PCDHGB4: variants seen among roughly 807,000 people sequenced by gnomAD.
The protein encoded by PCDHGB4 is protocadherin gamma subfamily B, 4.
In PCDHGB4, 38 loss-of-function variants were observed where a neutral mutation model predicts 60.5. The ratio of observed to expected loss-of-function variants is 0.63; its 90% confidence interval spans 0.48 to 0.82. The LOEUF is 0.82. PCDHGB4 is among the 40% of genes least tolerant of loss of function. PCDHGB4 has a pLI of 0.00. For missense variants in PCDHGB4, 1,109 were observed against 1,209.6 expected (o/e 0.92, Z 1.23); for synonymous variants, 456 against 509.7 (o/e 0.89, Z 1.42).
intron 1 of PCDHGB4, chr5:141,403,605 G>A (rs2094432434): frequency 6.2e-7 from 1 of 1,613,690 alleles, no homozygotes; most frequent in Admixed American, 1.7e-5. Context: ...TCGGATGGCG[G>A]CGAGCCGCGT....
chr5:141,419,214 T>C lies in PCDHGB4; in HGVS notation c.2397+28933T>C. On this transcript the variant is annotated intron_variant, in intron 1 of 3. Coordinates refer to ENST00000519479, the MANE Select transcript of PCDHGB4 (RefSeq NM_003736.4). ...GACGTCAATGACAACGCGCCGGTTT[T>C]CGGACAGTCAGCCTACCTGGTCCAC... 1.9e-6 allele frequency: 3 copies of C among 1,613,986 alleles called. No individual in the cohort carries two copies. In the South Asian group the frequency reaches 3.3e-5, roughly 18 times the overall value.
At chr5:141,444,599 A>G (rs373366708) in intron 1 of PCDHGB4, among the ~76,000 whole-genome samples, 2 of 152,108 alleles carry the variant, frequency 1.3e-5, no homozygotes, top group African/African-American at 2.4e-5. Flanking sequence ...CCTTATTTAA[A>G]ATTGATTTTT....
chr5:141,419,419 C>A (rs767018815), intron 1 of PCDHGB4: 1 of 1,613,384 alleles, frequency 6.2e-7, no homozygotes. Context: ...AGCGCGCCTT[C>A]GACCACGAGC....
chr5:141,458,340 G>C (rs4551132), intron 1 of PCDHGB4, among the ~76,000 whole-genome samples: 42,372 of 151,882 alleles, frequency 0.28, 6,646 homozygotes, highest in African/African-American at 0.43. Context: ...TTTAAGGAGT[G>C]GAGAGTTTAA....
intron 1 of PCDHGB4, among the ~76,000 whole-genome samples, chr5:141,484,096 G>T (rs539388257): frequency 6.6e-6 from 1 of 152,244 alleles, no homozygotes; most frequent in Non-Finnish European, 1.5e-5. Flanking sequence ...GTCTTCGTTG[G>T]TAATTAACAA....
chr5:141,508,910 A>T (rs2099872999), intron 3 of PCDHGB4, among the ~76,000 whole-genome samples: 1 of 151,906 alleles, frequency 6.6e-6, no homozygotes, highest in Non-Finnish European at 1.5e-5. Context: ...GCGGTGGCGG[A>T]TCTGGCTTCC....
At chr5:141,510,849 G>C (rs959784028) in intron 3 of PCDHGB4, 98 bp from the exon 4 acceptor site, 10 of 1,596,568 alleles carry the variant, frequency 6.3e-6, no homozygotes, top group Middle Eastern at 1.7e-4. Flanking sequence ...CAAGGCCCAG[G>C]GTGCTGTATA....
Position 141,486,639 on chromosome 5 carries a change from T to G in PCDHGB4, c.2398-8168T>G, listed in dbSNP as rs1250700423. ...GACCCAGACTCTGGCTTGAATGCGC[T>G]TATCTCCTACTCACTCCTGGAGCCC... On this transcript the variant is annotated intron_variant, in intron 1 of 3. Transcript: ENST00000519479. The surrounding 1 kb of genome is among the most constrained non-coding windows in gnomAD (Gnocchi z 5.0). The G allele has an allele frequency of 6.2e-7, 1 of 1,613,818 alleles. No individual in the cohort carries two copies. The highest frequency in any genetic ancestry group is 1.1e-5 in the South Asian group (1 of 91,084).
intron 1 of PCDHGB4, chr5:141,426,519 C>T: frequency 8.8e-6 from 3 of 341,848 alleles, no homozygotes; most frequent in South Asian, 6.9e-5. Flanking sequence ...TTACCGTGAA[C>T]ACGGAGAATG....
chr5:141,418,677 T>A (rs1717013168), intron 1 of PCDHGB4: 1 of 1,613,930 alleles, frequency 6.2e-7, no homozygotes, highest in African/African-American at 1.3e-5. Flanking sequence ...GACGAGGGCA[T>A]CAACTCAGAG....
At position 141,431,906 on chromosome 5, in the gene PCDHGB4, A is replaced by G; in HGVS notation, c.2397+41625A>G. 1 of 1,613,868 alleles carries G rather than the reference A, an allele frequency of 6.2e-7. No individual in the cohort carries two copies. Among genetic ancestry groups the G allele is most frequent in the Non-Finnish European group, 8.5e-7 (1 of 1,179,692 alleles). On this transcript the variant is annotated intron_variant, in intron 1 of 3. Transcript: ENST00000519479. This position sits in a 1 kb window ranked among gnomAD's most constrained non-coding sequence, Gnocchi z 4.8. ...AGATTCTGAGGAAAACGGACAGGTG[A>G]TCTGTTTCATCCAAGGAAATCTGCC...
intron 1 of PCDHGB4, chr5:141,413,757 G>C (rs2095674818): frequency 1.2e-6 from 2 of 1,612,920 alleles, no homozygotes; most frequent in African/African-American, 2.7e-5. Flanking sequence ...ATGGCGTCAA[G>C]TACCCGGAGC....
rs61612330 is a variant in PCDHGB4, at chr5:141,454,796, A to ATTTTTTTTTTTTTTTTTTTTTTT, written c.2398-40004_2398-39982dup. Among the ~76,000 whole-genome samples, 6 of 77,456 alleles carry ATTTTTTTTTTTTTTTTTTTTTTT rather than the reference A, an allele frequency of 7.7e-5. 1 individual carries two copies. The highest frequency in any genetic ancestry group is 8.0e-4 in the East Asian group (2 of 2,512). 50.8% of individuals were successfully genotyped at this position (77,456 alleles called of 152,430 possible). Reference sequence around the variant, plus strand: ...AAGGAAATAATCCTCCATGGTTCTAATTTTTTTTTTTTTTTTTTTTTTTTT... The same window carrying ATTTTTTTTTTTTTTTTTTTTTTT: ...AAGGAAATAATCCTCCATGGTTCTAATTTTTTTTTTTTTTTTTTTTTTTTTTTTTTTTTTTTTTTTTTTTTTTT... On this transcript the variant is annotated intron_variant, in intron 1 of 3. Transcript: ENST00000519479.
At chr5:141,479,651 C>CAAA (rs931031810) in intron 1 of PCDHGB4, 2 of 152,124 alleles carry the variant, frequency 1.3e-5, no homozygotes, top group African/African-American at 2.4e-5. Flanking sequence ...ACAACAACAA[C>CAAA]AATCCCAGAA....
intron 1 of PCDHGB4, chr5:141,427,957 C>G (rs770633827): frequency 1.3e-5 from 20 of 1,588,284 alleles, no homozygotes; most frequent in African/African-American, 2.7e-5. Flanking sequence ...GACAATGTGC[C>G]GCGGGTGCTG....
chr5:141,413,010 C>A, intron 1 of PCDHGB4: 1 of 640,210 alleles, frequency 1.6e-6, no homozygotes. Flanking sequence ...AGGGCTTCAA[C>A]TACACAAGCC....
chr5:141,453,752 T>C (rs1404363977), intron 1 of PCDHGB4, among the ~76,000 whole-genome samples: 10 of 152,364 alleles, frequency 6.6e-5, no homozygotes, highest in Admixed American at 5.9e-4. Flanking sequence ...AACATAAGTC[T>C]CCTAAAAATA....
In PCDHGB4 at chr5:141,432,487, G is replaced by A; in HGVS notation, c.2397+42206G>A. On this transcript the variant is annotated intron_variant, in intron 1 of 3. Coordinates refer to ENST00000519479, the MANE Select transcript of PCDHGB4 (RefSeq NM_003736.4). This position sits in a 1 kb window ranked among gnomAD's most constrained non-coding sequence, Gnocchi z 6.0. ...CCACGGACGGTTCCACTGGCGTGGA[G>A]CTGGCTCCCCGCTCCGCAGAGCCCG... 1.2e-6 allele frequency: 2 copies of A among 1,614,208 alleles called. No homozygotes were observed. The highest frequency in any genetic ancestry group is 2.2e-5 in the East Asian group (1 of 44,874).
chr5:141,449,588 CAAA>C (rs768743917), intron 1 of PCDHGB4, among the ~76,000 whole-genome samples: 1 of 57,486 alleles, frequency 1.7e-5, no homozygotes, highest in Non-Finnish European at 3.7e-5. Context: ...GACTCTGTCT[CAAA>C]AAAAAAAAAA....
Sources: allele counts gnomAD v4.1 joint callset (sites outside exome capture counted in the v4.1 genomes callset), GRCh38; gene constraint gnomAD v4.1.1; non-coding constraint Gnocchi (gnomAD v3.1); transcripts MANE v1.5; gene names NCBI Gene and HGNC (gene_info 2026-07-23, HGNC 2026-07-21).